COL14A1: variants seen among roughly 807,000 people sequenced by gnomAD.
COL14A1 encodes the protein collagen type XIV alpha 1 chain.
A neutral mutation model predicts 230.3 loss-of-function variants in COL14A1; 136 were observed. That is an observed-to-expected ratio of 0.59 (90% CI 0.51 to 0.68). The LOEUF (loss-of-function observed/expected upper bound fraction) is 0.68. Among genes scored for constraint, COL14A1 ranks in the 30% least tolerant of loss-of-function variants. COL14A1 has a pLI of 0.00. For missense variants in COL14A1, 1,976 were observed against 2,215.8 expected, an observed-to-expected ratio of 0.89 and a Z score of 2.17; for synonymous variants, 792 against 784.1, an observed-to-expected ratio of 1.01 and a Z score of -0.17.
At chr8:120,238,680 G>A (rs962399699) in intron 19 of COL14A1, among the ~76,000 whole-genome samples, 39 of 152,266 alleles carry the variant, frequency 2.6e-4, no homozygotes, top group African/African-American at 7.0e-4. Flanking sequence ...CAGCTAGCTC[G>A]GTGTTTGCCC....
intron 34 of COL14A1, among the ~76,000 whole-genome samples, chr8:120,296,801 C>G (rs553874844): frequency 1.1e-3 from 164 of 152,064 alleles, no homozygotes; most frequent in Admixed American, 3.9e-3. Flanking sequence ...ATGGCATGAT[C>G]AATGGCTTAA....
At chr8:120,269,967 T>A (rs1481929146) in intron 25 of COL14A1, 68 bp from the exon 26 acceptor site, 1 of 1,529,714 alleles carries the variant, frequency 6.5e-7, no homozygotes, top group African/African-American at 1.4e-5. Context: ...CCATTATTTG[T>A]CTTATTGGTT....
At chr8:120,342,297 C>A (rs2130270711) in intron 43 of COL14A1, 83 bp from the exon 44 acceptor site, 2 of 1,378,936 alleles carry the variant, frequency 1.5e-6, no homozygotes, top group South Asian at 1.2e-5. Context: ...AACAATGGGG[C>A]AAGTCAGATC....
chr8:120,136,214 C>A (rs1026259790), intron 1 of COL14A1, among the ~76,000 whole-genome samples: 1 of 152,040 alleles, frequency 6.6e-6, no homozygotes, highest in African/African-American at 2.4e-5. Context: ...AATATTTTAC[C>A]ATTCAGTGTG....
chr8:120,130,730 T>G (rs1814500266), intron 1 of COL14A1, among the ~76,000 whole-genome samples: 1 of 152,192 alleles, frequency 6.6e-6, no homozygotes, highest in African/African-American at 2.4e-5. Context: ...TTTTTCCAAC[T>G]TTTATTTTAA....
At chr8:120,191,730 T>A (rs1174510957) in intron 5 of COL14A1, among the ~76,000 whole-genome samples, 35 of 150,710 alleles carry the variant, frequency 2.3e-4, no homozygotes, top group African/African-American at 8.0e-4. Flanking sequence ...TGGGTGCTCC[T>A]GTATTGGGTG....
intron 5 of COL14A1, among the ~76,000 whole-genome samples, chr8:120,169,309 G>A (rs998062294): frequency 9.2e-5 from 14 of 152,044 alleles, no homozygotes; most frequent in African/African-American, 2.7e-4. Context: ...TATCAATATC[G>A]ACTTAAATTT....
intron 7 of COL14A1, among the ~76,000 whole-genome samples, chr8:120,198,663 A>T (rs982085350): frequency 6.6e-6 from 1 of 152,196 alleles, no homozygotes; most frequent in African/African-American, 2.4e-5. Flanking sequence ...AAATCCAAAA[A>T]TACCTGAAAT....
At position 120,182,200 on chromosome 8, in the gene COL14A1, A is replaced by G. The variant is rs529807452; in HGVS notation, c.436+13953A>G. Among the ~76,000 whole-genome samples, 17 of 152,332 alleles carry G rather than the reference A, an allele frequency of 1.1e-4. No homozygotes were observed. In the South Asian group the frequency reaches 3.5e-3, roughly 32 times the overall value. On this transcript the variant is annotated intron_variant, in intron 5 of 47. Coordinates refer to ENST00000297848, the MANE Select transcript of COL14A1 (RefSeq NM_021110.4). The stretch of plus-strand genomic sequence containing the variant: ...GTTTTCAAATGTCTTCATTCTTAAA[A>G]TAACTTTTAATATATCATTTTTAAA...
In COL14A1 at chr8:120,294,397, A is replaced by G. The variant is rs1820460708; in HGVS notation, c.4237-3114A>G. 2.0e-5 allele frequency among the ~76,000 whole-genome samples: 3 copies of G among 150,300 alleles called. 1 individual carries two copies. In the South Asian group the frequency reaches 6.3e-4, roughly 31 times the overall value. On this transcript the variant is annotated intron_variant, in intron 34 of 47. Coordinates refer to ENST00000297848, the MANE Select transcript of COL14A1 (RefSeq NM_021110.4). ...TTCAAGTATTCCCTTGAAAGAGATT[A>G]TGAAAAGTGAAAGTGGGAGGTTTTG... is the stretch of plus-strand genomic sequence containing the variant.
chr8:120,340,777 GGGGAGAATTA>G (rs1380433061), intron 42 of COL14A1, among the ~76,000 whole-genome samples: 1 of 152,162 alleles, frequency 6.6e-6, no homozygotes, highest in Non-Finnish European at 1.5e-5. Context: ...CTCCCATATT[GGGGAGAATTA>G]GGGAGAATTG....
chr8:120,335,855 C>A (rs1213667413), intron 42 of COL14A1, among the ~76,000 whole-genome samples: 3 of 152,178 alleles, frequency 2.0e-5, no homozygotes, highest in Non-Finnish European at 2.9e-5. Flanking sequence ...AGGAGCTGCT[C>A]ACTGCTGGGG....
chr8:120,305,227 G>A (rs543726196), intron 36 of COL14A1, among the ~76,000 whole-genome samples: 9 of 152,220 alleles, frequency 5.9e-5, no homozygotes, highest in East Asian at 1.9e-4. Context: ...TGATCTGCCT[G>A]CCTCGGCCTC....
At position 120,285,898 on chromosome 8, in the gene COL14A1, G is replaced by A; in HGVS notation, c.4005G>A (p.Gln1335=). ...GKTLTYFNYD[Q]SGDFQTVTFE... ...CTCTAACATATTTCAACTATGACCA[G>A]AGTGGGGATTTTCAAACTGTTACTT... Residue 1335 remains glutamine, a synonymous_variant, in exon 33 of 48, where the codon CAG becomes CAA. Transcript: ENST00000297848. 1.9e-6 allele frequency: 3 copies of A among 1,611,052 alleles called. No individual in the cohort carries two copies. The highest frequency in any genetic ancestry group is 2.5e-6 in the Non-Finnish European group (3 of 1,177,722).
At chr8:120,278,378 C>T in intron 27 of COL14A1, 57 bp from the exon 28 acceptor site, 2 of 1,572,912 alleles carry the variant, frequency 1.3e-6, no homozygotes, top group Non-Finnish European at 1.7e-6. Context: ...CCTTTCTTCT[C>T]CAGAAAAACA....
intron 40 of COL14A1, among the ~76,000 whole-genome samples, chr8:120,331,107 CAAAAAA>C (rs35915187): frequency 2.9e-4 from 18 of 61,370 alleles, no homozygotes; most frequent in African/African-American, 8.6e-4. Context: ...CTCTGTCTCA[CAAAAAA>C]AAAAAAAAAA....
intron 47 of COL14A1, chr8:120,370,685 T>G: frequency 7.0e-7 from 1 of 1,436,934 alleles, no homozygotes; most frequent in Non-Finnish European, 9.3e-7. Flanking sequence ...TGTGACAGCT[T>G]CATAATAAAG....
chr8:120,268,391 G>T (rs567843316), intron 25 of COL14A1, among the ~76,000 whole-genome samples: 1 of 151,414 alleles, frequency 6.6e-6, no homozygotes, highest in Admixed American at 6.6e-5. Flanking sequence ...ATTACAGAAT[G>T]CTCTGTAATA....
At position 120,158,185 on chromosome 8, in the gene COL14A1, T is replaced by G; in HGVS notation, c.144T>G (p.Ile48Met). The change falls in exon 3 of 48, where the codon ATT (isoleucine) becomes ATG (methionine). Residue 48 changes from isoleucine to methionine, a missense_variant. This residue lies in a region of COL14A1 where 181 missense variants were observed against 178.6 expected (regional missense o/e 1.01). Coordinates refer to ENST00000297848, the MANE Select transcript of COL14A1 (RefSeq NM_021110.4). ...TAATATCTCATGACAGTATACAGAT[T>G]TCATGGAAGGCTCCAAGAGGGAAAT... ...YNVISHDSIQISWKAPRGKFG... is the reference protein window; with the variant it reads ...YNVISHDSIQMSWKAPRGKFG... 6.2e-7 allele frequency: 1 copy of G among 1,611,392 alleles called. No homozygotes were observed. Among genetic ancestry groups the G allele is most frequent in the South Asian group, 1.1e-5 (1 of 90,620 alleles).
Sources: allele counts gnomAD v4.1 joint callset (sites outside exome capture counted in the v4.1 genomes callset), GRCh38; gene constraint gnomAD v4.1.1; regional missense constraint gnomAD v4.1.1; transcripts MANE v1.5; gene names NCBI Gene and HGNC (gene_info 2026-07-23, HGNC 2026-07-21).